FAM53A: variants seen among roughly 807,000 people sequenced by gnomAD.
FAM53A encodes protein FAM53A.
Under a neutral mutation model 26.6 loss-of-function variants are expected in FAM53A, and 28 were observed. The observed-to-expected ratio is 1.05, with a 90% confidence interval of 0.78 to 1.45. The LOEUF is 1.45. Among genes scored for constraint, FAM53A ranks in the 40% most tolerant of loss-of-function variants. FAM53A has a pLI of 0.00. For synonymous variants in FAM53A, 290 were observed against 253.1 expected (o/e 1.15, Z -1.38); for missense variants, 650 against 575.8 (o/e 1.13, Z -1.32).
chr4:1,602,041 G>A, the FAM53A span, among the ~76,000 whole-genome samples: 15 of 151,458 alleles, frequency 9.9e-5, no homozygotes, highest in East Asian at 7.8e-4. Context: ...GAGGTGGGCC[G>A]GGGGAGATGG....
At chr4:1,653,061 T>C (rs62287697) in intron 4 of FAM53A, among the ~76,000 whole-genome samples, 40,810 of 147,886 alleles carry the variant, frequency 0.28, 6,249 homozygotes, top group Middle Eastern at 0.46. Flanking sequence ...ACACCACCCA[T>C]AGACGTCACA....
At chr4:1,633,419 G>A (rs568170983) in intron 1 of FAM53A, among the ~76,000 whole-genome samples, 4 of 152,274 alleles carry the variant, frequency 2.6e-5, no homozygotes, top group South Asian at 4.1e-4. Flanking sequence ...GCAGGTCCAC[G>A]AAGCCAGATG....
At chr4:1,684,731 C>T (rs1383413771), upstream of FAM53A, among the ~76,000 whole-genome samples, 1 of 152,184 alleles carries the variant, frequency 6.6e-6, no homozygotes, top group African/African-American at 2.4e-5. Context: ...AGGCTCGCCG[C>T]CGCCGCCTTC....
intron 1 of FAM53A, among the ~76,000 whole-genome samples, chr4:1,682,507 C>T (rs1236067310): frequency 2.6e-5 from 4 of 151,856 alleles, no homozygotes; most frequent in East Asian, 3.9e-4. Context: ...GTGATCTGCC[C>T]GCCTCGGCCT....
chr4:1,603,076 C>A, the FAM53A span, among the ~76,000 whole-genome samples: 1 of 152,222 alleles, frequency 6.6e-6, no homozygotes, highest in Non-Finnish European at 1.5e-5. Flanking sequence ...CCTCTCGCCA[C>A]CTTTCCCCAA....
At chr4:1,597,810 C>A in the FAM53A span, among the ~76,000 whole-genome samples, 12 of 152,168 alleles carry the variant, frequency 7.9e-5, no homozygotes, top group Non-Finnish European at 1.6e-4. Context: ...TGCCTGGCCA[C>A]CATGGTGAAA....
intron 1 of FAM53A, among the ~76,000 whole-genome samples, chr4:1,669,224 C>A (rs1268447089): frequency 6.6e-6 from 1 of 152,192 alleles, no homozygotes; most frequent in Admixed American, 6.5e-5. Flanking sequence ...ATTCTGGAAG[C>A]TGGGAAGCTG....
Position 1,623,301 on chromosome 4 carries a change from T to G in FAM53A, c.432-5190A>C, listed in dbSNP as rs972929063. Among the ~76,000 whole-genome samples, 12 of 151,576 alleles carry G rather than the reference T, an allele frequency of 7.9e-5. 1 individual carries two copies. The highest frequency in any genetic ancestry group is 1.2e-4 in the African/African-American group (5 of 41,066). ...CAGCTGCTCCGTCCTGGGCAGCACC[T>G]TCCTCAGGAAGAGGCCTGGCTCCTG... is the stretch of plus-strand genomic sequence containing the variant. On this transcript the variant is annotated intron_variant, in intron 1 of 1. Coordinates refer to the FAM53A transcript ENST00000489029.
At chr4:1,604,074 G>A in the FAM53A span, among the ~76,000 whole-genome samples, 1 of 152,202 alleles carries the variant, frequency 6.6e-6, no homozygotes, top group Non-Finnish European at 1.5e-5. Context: ...CCATCATCGC[G>A]GGGTGGTCCA....
chr4:1,616,775 T>G (rs1714825786), downstream of FAM53A, among the ~76,000 whole-genome samples: 2 of 152,204 alleles, frequency 1.3e-5, no homozygotes. Context: ...CTTAGTTATG[T>G]AAGTTTCTTG....
At chr4:1,597,833 T>C in the FAM53A span, among the ~76,000 whole-genome samples, 2 of 152,208 alleles carry the variant, frequency 1.3e-5, no homozygotes, top group Non-Finnish European at 2.9e-5. Flanking sequence ...CCATCTCTAC[T>C]AAAAGTACAA....
the FAM53A span, among the ~76,000 whole-genome samples, chr4:1,602,865 G>C: frequency 6.6e-6 from 1 of 152,156 alleles, no homozygotes; most frequent in African/African-American, 2.4e-5. Flanking sequence ...GGGCTGCTTG[G>C]AAGCCGGCCC....
chr4:1,684,578 G>A (rs1715689268), upstream of FAM53A, among the ~76,000 whole-genome samples: 1 of 151,704 alleles, frequency 6.6e-6, no homozygotes, highest in South Asian at 2.1e-4. Flanking sequence ...GGCACTCGGC[G>A]GCGTCCTCCA....
At chr4:1,600,744 C>T in the FAM53A span, among the ~76,000 whole-genome samples, 7 of 152,194 alleles carry the variant, frequency 4.6e-5, no homozygotes, top group Non-Finnish European at 5.9e-5. Context: ...GCAGCCTGGA[C>T]CTCCCAGGCT....
the FAM53A span, among the ~76,000 whole-genome samples, chr4:1,604,366 C>A: frequency 6.6e-6 from 1 of 152,130 alleles, no homozygotes; most frequent in Non-Finnish European, 1.5e-5. Flanking sequence ...GGTGGGGGCA[C>A]CCAGTGCTGT....
chr4:1,603,262 C>T, the FAM53A span, among the ~76,000 whole-genome samples: 1 of 152,132 alleles, frequency 6.6e-6, no homozygotes, highest in African/African-American at 2.4e-5. Context: ...GGTGGGCACA[C>T]CCAGGAGCCA....
intron 2 of FAM53A, among the ~76,000 whole-genome samples, chr4:1,667,854 T>G (rs1032211620): frequency 2.6e-5 from 4 of 152,166 alleles, no homozygotes; most frequent in Non-Finnish European, 5.9e-5. Context: ...CACCTCCTTC[T>G]GGATCTGCCA....
intron 4 of FAM53A, among the ~76,000 whole-genome samples, chr4:1,651,160 T>C (rs977295549): frequency 4.1e-5 from 6 of 146,296 alleles, no homozygotes; most frequent in Non-Finnish European, 7.5e-5. Flanking sequence ...GAGGTTGCAG[T>C]GAGCCAAGAT....
At chr4:1,639,721 G>A (rs1560128738), downstream of FAM53A, among the ~76,000 whole-genome samples, 2 of 152,174 alleles carry the variant, frequency 1.3e-5, 1 homozygote, top group South Asian at 4.1e-4. Flanking sequence ...CACCCAAGCA[G>A]CTCGGCCTCA....
Sources: gnomAD v4.1 joint callset for allele counts (sites outside exome capture counted in the v4.1 genomes callset) on GRCh38, gnomAD v4.1.1 for gene constraint, MANE v1.5 for transcripts, NCBI Gene and HGNC (gene_info 2026-07-23, HGNC 2026-07-21) for gene names.